ANKRD36B: variants seen among roughly 807,000 people sequenced by gnomAD.
The protein encoded by ANKRD36B is ankyrin repeat domain-containing protein 36B.
In ANKRD36B, 37 loss-of-function variants were observed where a neutral mutation model predicts 135.7. That is an observed-to-expected ratio of 0.27 (90% CI 0.21 to 0.36). The LOEUF (loss-of-function observed/expected upper bound fraction) is 0.36, where lower values mean the gene tolerates loss of function less well. ANKRD36B is among the 10% of genes least tolerant of loss of function. ANKRD36B has a pLI of 1.00. For missense variants in ANKRD36B, 549 were observed against 1,037.1 expected (o/e 0.53, Z 6.46); for synonymous variants, 179 against 348.1 (o/e 0.51, Z 5.41).
At position 97,527,370 on chromosome 2, in the gene ANKRD36B, C is replaced by A. The variant is rs1373384064; in HGVS notation, c.2266-3903G>T. Among the ~76,000 whole-genome samples, 2 of 93,432 alleles carry A rather than the reference C, an allele frequency of 2.1e-5. 1 individual carries two copies. The highest frequency in any genetic ancestry group is 5.7e-5 in the Non-Finnish European group (2 of 35,310). 61.3% of individuals were successfully genotyped at this position (93,432 alleles called of 152,430 possible). A position where few individuals can be genotyped will look rare whatever the true frequency, so the allele number is the denominator to read the frequency against. On this transcript the variant is annotated intron_variant, in intron 35 of 43. Coordinates refer to ENST00000359901, the MANE Select transcript of ANKRD36B (RefSeq NM_001393939.1). Reference sequence around the variant, plus strand: ...AGCAAATGATGAGAGATTTTGTCACCATGAGGCCTGCCCTAAAAGAGCTCC... The same window carrying A: ...AGCAAATGATGAGAGATTTTGTCACAATGAGGCCTGCCCTAAAAGAGCTCC...
At position 97,547,617 on chromosome 2, in the gene ANKRD36B, A is replaced by C; in HGVS notation, c.1507-9T>G. On this transcript the variant is annotated splice_polypyrimidine_tract_variant and intron_variant, in intron 21 of 43. Transcript: ENST00000359901. ...TTCTCGTCTCTTGTAGCCTGAATGG[A>C]ATTTGAAATGAAATAATAAATTAAT... The C allele has an allele frequency of 3.2e-6, 5 of 1,570,906 alleles. No individual in the cohort carries two copies. Among genetic ancestry groups the C allele is most frequent in the Non-Finnish European group, 4.3e-6 (5 of 1,153,132 alleles).
At chr2:97,587,827 C>CT (rs61686411) in intron 1 of ANKRD36B, among the ~76,000 whole-genome samples, 73,124 of 151,898 alleles carry the variant, frequency 0.48, 21,205 homozygotes, top group Non-Finnish European at 0.66. Flanking sequence ...GTATTTCATT[C>CT]TTTTTTTAAC....
chr2:97,575,549 C>A (rs1371629969), intron 6 of ANKRD36B, among the ~76,000 whole-genome samples: 3 of 148,964 alleles, frequency 2.0e-5, no homozygotes, highest in South Asian at 4.2e-4. Context: ...AACTGTACCT[C>A]TTTTCTGCTT....
chr2:97,586,070 T>C (rs1296324072), intron 1 of ANKRD36B, among the ~76,000 whole-genome samples: 2 of 152,196 alleles, frequency 1.3e-5, no homozygotes, highest in Non-Finnish European at 2.9e-5. Flanking sequence ...CAATCCGTGA[T>C]GCCTTACATT....
rs568519005 is a variant in ANKRD36B, at chr2:97,564,753, C to T, written c.764-3893G>A. Among the ~76,000 whole-genome samples the T allele has an allele frequency of 4.6e-5, 7 of 152,244 alleles. No homozygotes were observed. The South Asian group carries it at 1.4e-3, about 32-fold the overall frequency. On this transcript the variant is annotated intron_variant, in intron 6 of 43. Transcript: ENST00000359901. ...CTATATATCTCTTTTGGTACCAGTA[C>T]CATGCTGTTTTCATTACTGTAGCCT...
rs1229402766 is a variant in ANKRD36B, at chr2:97,496,727, C to T, written c.*7-3872G>A. Reference sequence around the variant, plus strand: ...AACACATCGTTTACAGTATGGTTTACCAAATATCTTAAGCACACTGTTGAG... The same window carrying T: ...AACACATCGTTTACAGTATGGTTTATCAAATATCTTAAGCACACTGTTGAG... On this transcript the variant is annotated intron_variant, in intron 43 of 43. Coordinates refer to ENST00000359901, the MANE Select transcript of ANKRD36B (RefSeq NM_001393939.1). Among the ~76,000 whole-genome samples, 2 of 75,808 alleles carry T rather than the reference C, an allele frequency of 2.6e-5. 1 individual carries two copies. Among genetic ancestry groups the T allele is most frequent in the African/African-American group, 1.0e-4 (2 of 19,894 alleles). 49.7% of individuals were successfully genotyped at this position (75,808 alleles called of 152,430 possible).
At chr2:97,549,756 C>A (rs2079863234) in intron 18 of ANKRD36B, 142 bp from the exon 19 acceptor site, 15 of 1,451,914 alleles carry the variant, frequency 1.0e-5, no homozygotes, top group Non-Finnish European at 1.3e-5. Context: ...TGTCTGCGGA[C>A]TAGAACGTGA....
rs540835883 is a variant in ANKRD36B, at chr2:97,527,461, T to C, written c.2266-3994A>G. Among the ~76,000 whole-genome samples the C allele has an allele frequency of 3.7e-4, 35 of 93,678 alleles. 10 individuals are homozygous for C. Among genetic ancestry groups the C allele is most frequent in the African/African-American group, 1.1e-3 (34 of 31,202 alleles). 61.5% of individuals were successfully genotyped at this position (93,678 alleles called of 152,430 possible). ...GCCACTGCAAAATCATGACAAAATA[T>C]AAAGACCATCGAGACTAGGAAGAAA... On this transcript the variant is annotated intron_variant, in intron 35 of 43. Transcript: ENST00000359901.
chr2:97,589,809 A>C lies in ANKRD36B; in HGVS notation c.-124T>G, dbSNP rs2083294126. 2 of 1,466,580 alleles carry C rather than the reference A, an allele frequency of 1.4e-6. No individual in the cohort carries two copies. Among genetic ancestry groups the C allele is most frequent in the East Asian group, 2.3e-5 (1 of 42,758 alleles). The allele number at this position is 1,466,580 out of a possible 1,614,324, so 90.8% of individuals were successfully genotyped here. A position where few individuals can be genotyped will look rare whatever the true frequency, so the allele number is the denominator to read the frequency against. On this transcript the variant is annotated 5_prime_UTR_variant, in exon 1 of 44. Transcript: ENST00000359901. ...TCCGAAGAGCAACAACAGGCAAAGC[A>C]GTCTGTGCACGGACCTCCGCGCAGA...
At chr2:97,582,925 A>C (rs1573081500) in intron 3 of ANKRD36B, among the ~76,000 whole-genome samples, 1 of 152,094 alleles carries the variant, frequency 6.6e-6, no homozygotes, top group East Asian at 1.9e-4. Context: ...GGACTGCTGC[A>C]ACTAAATTAT....
intron 13 of ANKRD36B, 47 bp from the exon 14 acceptor site, chr2:97,555,179 T>C (rs778296696): frequency 1.1e-5 from 18 of 1,611,324 alleles, no homozygotes; most frequent in South Asian, 2.2e-5. Context: ...GTATGTTTCA[T>C]GGACTATACA....
intron 10 of ANKRD36B, among the ~76,000 whole-genome samples, 173 bp from the exon 11 acceptor site, chr2:97,557,305 T>C (rs147997535): frequency 0.028 from 4,176 of 151,614 alleles, 182 homozygotes; most frequent in African/African-American, 0.095. Context: ...CTGAAGAAAA[T>C]AGGAATACAC....
intron 35 of ANKRD36B, among the ~76,000 whole-genome samples, chr2:97,531,781 A>G (rs1181180875): frequency 1.0e-5 from 1 of 96,518 alleles, no homozygotes; most frequent in South Asian, 2.3e-4. Flanking sequence ...CCATTTTGCA[A>G]GGTATAATTC....
chr2:97,566,270 G>T (rs553380761), intron 6 of ANKRD36B, among the ~76,000 whole-genome samples: 1 of 151,978 alleles, frequency 6.6e-6, no homozygotes. Context: ...GCAGTGAGCC[G>T]AGATTGTGCC....
In ANKRD36B at chr2:97,557,096, G is replaced by GTAAC. The variant is rs2080600206; in HGVS notation, c.996+4_996+7dup. 1.9e-6 allele frequency: 3 copies of GTAAC among 1,545,060 alleles called. No homozygotes were observed. Among genetic ancestry groups the GTAAC allele is most frequent in the Middle Eastern group, 2.3e-4 (1 of 4,330 alleles). On this transcript the variant is annotated splice_region_variant and intron_variant, in intron 11 of 43. Transcript: ENST00000359901. Reference sequence around the variant, plus strand: ...AATAATTCAAAATATAAATGAAAGAGTAACTACCTTCTGGGCCGATTGTTT... The same window carrying GTAAC: ...AATAATTCAAAATATAAATGAAAGAGTAACTAACTACCTTCTGGGCCGATTGTTT...
chr2:97,568,174 CAT>C (rs1205374873), intron 6 of ANKRD36B, among the ~76,000 whole-genome samples: 1 of 151,858 alleles, frequency 6.6e-6, no homozygotes, highest in African/African-American at 2.4e-5. Context: ...TTATTGTACA[CAT>C]AGAGTTCAGC....
At position 97,553,355 on chromosome 2, in the gene ANKRD36B, T is replaced by C; in HGVS notation, c.1188A>G (p.Gln396=). The change falls in exon 15 of 44, where the codon CAA becomes CAG. Residue 396 remains glutamine, a synonymous_variant. Coordinates refer to ENST00000359901, the MANE Select transcript of ANKRD36B (RefSeq NM_001393939.1). The stretch of plus-strand genomic sequence containing the variant: ...AGAGTTCAATTACCTTCAAGGCTTG[T>C]TGTTTCTGAGAAGACACTGAAAAGC... ...LQCGTVSSQK[Q]QALKATTDEE... is the part of the protein sequence containing the mutation. The C allele has an allele frequency of 6.2e-7, 1 of 1,609,782 alleles. No individual in the cohort carries two copies. The highest frequency in any genetic ancestry group is 2.2e-5 in the East Asian group (1 of 44,712).
chr2:97,569,658 G>A (rs1418137730), intron 6 of ANKRD36B, among the ~76,000 whole-genome samples: 2 of 151,840 alleles, frequency 1.3e-5, no homozygotes, highest in African/African-American at 2.4e-5. Context: ...AGGGGGGATG[G>A]CGTATGTGAA....
chr2:97,587,603 T>C (rs2083108481), intron 1 of ANKRD36B, among the ~76,000 whole-genome samples: 2 of 152,218 alleles, frequency 1.3e-5, no homozygotes, highest in Non-Finnish European at 2.9e-5. Flanking sequence ...TACACTGCTA[T>C]TTTAAGCAGT....
Sources: gnomAD v4.1 joint callset for allele counts (sites outside exome capture counted in the v4.1 genomes callset) on GRCh38, gnomAD v4.1.1 for gene constraint, MANE v1.5 for transcripts, NCBI Gene and HGNC (gene_info 2026-07-23, HGNC 2026-07-21) for gene names.